Variants in FMR1NB observed in about 807,000 individuals in gnomAD.
FMR1NB encodes the protein FMR1 neighbor protein.
A neutral mutation model predicts 16.8 loss-of-function variants in FMR1NB; 10 were observed. The ratio of observed to expected loss-of-function variants is 0.60; its 90% confidence interval spans 0.37 to 1.01. The LOEUF (loss-of-function observed/expected upper bound fraction) is 1.01, where lower values mean the gene tolerates loss of function less well. Ranked by LOEUF, FMR1NB falls within the 50% of genes least tolerant of loss-of-function variation. FMR1NB has a pLI of 0.01. For missense variants in FMR1NB, 205 were observed against 204.8 expected, an observed-to-expected ratio of 1.00 and a Z score of 0.00; for synonymous variants, 83 against 79.1, an observed-to-expected ratio of 1.05 and a Z score of -0.26.
chrX:148,012,574 A>G (rs189042810), intron 4 of FMR1NB, among the ~76,000 whole-genome samples: 1 of 111,766 alleles, frequency 8.9e-6, no homozygotes, highest in East Asian at 2.8e-4. Context: ...ATTGTAGATC[A>G]TCTGATACAC....
chrX:147,993,398 G>A (rs1430544226), intron 1 of FMR1NB, among the ~76,000 whole-genome samples: 2 of 110,861 alleles, frequency 1.8e-5, no homozygotes, highest in East Asian at 5.8e-4. Flanking sequence ...AGACCGTGGG[G>A]AGAGGGAGAG....
intron 1 of FMR1NB, among the ~76,000 whole-genome samples, chrX:147,996,758 G>A (rs2044544010): frequency 8.9e-6 from 1 of 111,997 alleles, no homozygotes; most frequent in Non-Finnish European, 1.9e-5. Flanking sequence ...CTCTCTGTCT[G>A]CACTGAGTCT....
At chrX:148,025,974 G>A (rs1332434391) in intron 5 of FMR1NB, 1 of 110,697 alleles carries the variant, frequency 9.0e-6, no homozygotes, top group East Asian at 2.8e-4. Context: ...AGAATGAGAA[G>A]GTTGATTTGA....
At chrX:147,983,894 G>A (rs1346589114) in intron 1 of FMR1NB, among the ~76,000 whole-genome samples, 2 of 110,982 alleles carry the variant, frequency 1.8e-5, no homozygotes, top group Non-Finnish European at 3.8e-5. Flanking sequence ...TCCATTTGGA[G>A]TTGATTTTGG....
intron 4 of FMR1NB, among the ~76,000 whole-genome samples, chrX:148,022,418 T>G (rs1435921357): frequency 8.9e-6 from 1 of 112,252 alleles, no homozygotes; most frequent in Non-Finnish European, 1.9e-5. Context: ...TTCTAAATTT[T>G]AAGCTCCTCA....
chrX:147,981,749 T>C lies in FMR1NB; in HGVS notation c.277+70T>C, dbSNP rs1163440289. On this transcript the variant is annotated intron_variant, in intron 1 of 5. Coordinates refer to ENST00000370467, the MANE Select transcript of FMR1NB (RefSeq NM_152578.3). ...GAGGGGGAGGGAGAGGGGGGCGGGG[T>C]GTGGCAACACACCGGCACCAACCAT... is the stretch of plus-strand genomic sequence containing the variant. 6.3e-6 allele frequency: 4 copies of C among 635,864 alleles called. No homozygotes were observed. The East Asian group carries it at 1.7e-4, about 27-fold the overall frequency. The allele number at this position is 635,864 out of a possible 1,213,427, so 52.4% of individuals were successfully genotyped here. A position where few individuals can be genotyped will look rare whatever the true frequency, so the allele number is the denominator to read the frequency against.
chrX:147,982,409 G>A (rs2124608276), intron 1 of FMR1NB, among the ~76,000 whole-genome samples: 1 of 109,740 alleles, frequency 9.1e-6, no homozygotes, highest in Non-Finnish European at 1.9e-5. Flanking sequence ...GCAACAAGGT[G>A]AAACCCCGTC....
intron 1 of FMR1NB, among the ~76,000 whole-genome samples, chrX:147,990,839 CCTT>C (rs1309404795): frequency 2.7e-5 from 3 of 109,899 alleles, no homozygotes; most frequent in East Asian, 5.8e-4. Flanking sequence ...TCTCCCAAGA[CCTT>C]CTTTTCAGTA....
intron 4 of FMR1NB, among the ~76,000 whole-genome samples, chrX:148,010,138 C>G (rs1203456880): frequency 8.9e-6 from 1 of 112,121 alleles, no homozygotes; most frequent in Non-Finnish European, 1.9e-5. Flanking sequence ...AAGGATTGTT[C>G]TCTGATCCTA....
chrX:148,005,092 G>A (rs1557188978), intron 2 of FMR1NB, among the ~76,000 whole-genome samples: 1 of 111,887 alleles, frequency 8.9e-6, no homozygotes, highest in Non-Finnish European at 1.9e-5. Flanking sequence ...TTTTCACCAT[G>A]TTGGCCAGGA....
intron 1 of FMR1NB, among the ~76,000 whole-genome samples, chrX:147,983,435 G>C (rs2044461232): frequency 8.9e-6 from 1 of 112,352 alleles, no homozygotes; most frequent in African/African-American, 3.2e-5. Flanking sequence ...CATTATAGTA[G>C]GAGTGAAATA....
intron 4 of FMR1NB, 127 bp from the exon 5 acceptor site, chrX:148,024,738 G>C: frequency 5.1e-6 from 4 of 783,000 alleles, no homozygotes; most frequent in Non-Finnish European, 7.4e-6. Flanking sequence ...TATTAAATCT[G>C]GTGAGTTAAA....
intron 1 of FMR1NB, among the ~76,000 whole-genome samples, chrX:147,996,209 AT>A (rs1272509452): frequency 8.9e-6 from 1 of 112,480 alleles, no homozygotes; most frequent in African/African-American, 3.2e-5. Flanking sequence ...ATGATATTAA[AT>A]TTAAAATTGT....
intron 3 of FMR1NB, among the ~76,000 whole-genome samples, chrX:148,007,568 G>C (rs2044603301): frequency 8.9e-6 from 1 of 112,017 alleles, no homozygotes; most frequent in East Asian, 2.8e-4. Flanking sequence ...GGAATTTATA[G>C]GTGTGAGCCA....
chrX:148,024,784 TA>T (rs1452785048), intron 4 of FMR1NB, 80 bp from the exon 5 acceptor site: 2 of 1,097,262 alleles, frequency 1.8e-6, no homozygotes, highest in Non-Finnish European at 2.4e-6. Context: ...TCTGGGCAAA[TA>T]TTTTTTTCCT....
intron 1 of FMR1NB, among the ~76,000 whole-genome samples, chrX:147,996,695 A>T (rs2124616873): frequency 8.9e-6 from 1 of 111,952 alleles, no homozygotes; most frequent in South Asian, 3.7e-4. Flanking sequence ...CCAAGCATGG[A>T]GCTCCCCAAG....
At chrX:148,013,569 A>G in intron 4 of FMR1NB, among the ~76,000 whole-genome samples, 1 of 112,177 alleles carries the variant, frequency 8.9e-6, no homozygotes, top group East Asian at 2.8e-4. Context: ...CGTTTCATGG[A>G]TGTGTTTAAA....
Position 147,981,556 on chromosome X carries a change from A to C in FMR1NB, c.154A>C (p.Arg52=). Residue 52 remains arginine, a synonymous_variant, in exon 1 of 6, where the codon AGG becomes CGG. Coordinates refer to ENST00000370467, the MANE Select transcript of FMR1NB (RefSeq NM_152578.3). ...TGGATACGAGGCCGCCATGGCTGAC[A>C]GGCCTCAGCCAGGATGGCGGGAATC... is the stretch of plus-strand genomic sequence containing the variant. ...HPGYEAAMAD[R]PQPGWRESLK... The C allele has an allele frequency of 8.3e-7, 1 of 1,211,997 alleles. No homozygotes were observed. Among genetic ancestry groups the C allele is most frequent in the Non-Finnish European group, 1.1e-6 (1 of 895,517 alleles).
rs146349340 is a variant in FMR1NB, at chrX:148,016,035, T to C, written c.632+7324T>C. ...ACTATTGCTATATTCCATTGCTGAATTGGCCTCTATCATTATGTGGTGACT... is the reference window on the plus strand; with the variant it reads ...ACTATTGCTATATTCCATTGCTGAACTGGCCTCTATCATTATGTGGTGACT... On this transcript the variant is annotated intron_variant, in intron 4 of 5. Coordinates refer to ENST00000370467, the MANE Select transcript of FMR1NB (RefSeq NM_152578.3). 1.6e-3 allele frequency among the ~76,000 whole-genome samples: 180 copies of C among 112,308 alleles called. 1 individual carries two copies. Among genetic ancestry groups the C allele is most frequent in the African/African-American group, 5.7e-3 (175 of 30,958 alleles).
Sources: allele counts gnomAD v4.1 joint callset (sites outside exome capture counted in the v4.1 genomes callset), GRCh38; gene constraint gnomAD v4.1.1; transcripts MANE v1.5; gene names NCBI Gene and HGNC (gene_info 2026-07-23, HGNC 2026-07-21).